Variants in CCDC181 observed in about 807,000 individuals in gnomAD.
CCDC181 encodes the protein coiled-coil domain-containing protein 181.
In CCDC181, 35 loss-of-function variants were observed where a neutral mutation model predicts 58.7. The ratio of observed to expected loss-of-function variants is 0.60; its 90% CI spans 0.46 to 0.79. The LOEUF (loss-of-function observed/expected upper bound fraction) is 0.79, where lower values mean the gene tolerates loss of function less well. CCDC181 is among the 30% of genes least tolerant of loss of function. The pLI, the probability that CCDC181 is intolerant of heterozygous loss-of-function variation, is 0.00. For missense variants in CCDC181, 517 were observed against 583.9 expected, an observed-to-expected ratio of 0.89 and a Z score of 1.18; for synonymous variants, 183 against 197.5, an observed-to-expected ratio of 0.93 and a Z score of 0.62.
chr1:169,421,808 C>G lies in CCDC181; in HGVS notation c.623G>C (p.Ser208Thr). 1.9e-6 allele frequency: 3 copies of G among 1,614,094 alleles called. No individual in the cohort carries two copies. The highest frequency in any genetic ancestry group is 2.5e-6 in the Non-Finnish European group (3 of 1,180,002). The change falls in exon 3 of 6, where the codon AGC becomes ACC. Residue 208 changes from serine (S) to threonine (T), a missense_variant. Ser to Thr is a moderately conservative substitution (Grantham distance 58, BLOSUM62 1). Transcript: ENST00000367806. ...EDVLLSLTNG[S>T]CEENKDRTIL... ...TGTCCTATCCTTGTTTTCTTCACAG[C>G]TTCCATTAGTAAGTGACAGGAGCAC...
At chr1:169,453,621 G>C (rs566870228) in intron 2 of CCDC181, among the ~76,000 whole-genome samples, 1 of 151,866 alleles carries the variant, frequency 6.6e-6, no homozygotes, top group Admixed American at 6.6e-5. Context: ...TGGAAATATT[G>C]CCCCCAAGTT....
In CCDC181 at chr1:169,419,064, T is replaced by C. The variant is rs1656343499; in HGVS notation, c.1164A>G (p.Leu388=). 6.2e-7 allele frequency: 1 copy of C among 1,613,828 alleles called. No individual in the cohort carries two copies. The highest frequency in any genetic ancestry group is 8.5e-7 in the Non-Finnish European group (1 of 1,179,948). Residue 388 remains leucine (L), a synonymous_variant, in exon 4 of 6, where the codon TTA becomes TTG. Transcript: ENST00000367806. The part of the protein sequence containing the change: ...AWLQKKREQV[L]EMRRIQRAKE... ...TTGCTCGCTGAATTCTCCTCATTTC[T>C]AAGACCTGCTCTCTTTTCTTTTGCA...
At chr1:169,417,043 A>G (rs1656246939) in intron 4 of CCDC181, among the ~76,000 whole-genome samples, 1 of 152,194 alleles carries the variant, frequency 6.6e-6, no homozygotes, top group African/African-American at 2.4e-5. Context: ...AGAAAAACCA[A>G]TTGGTTTTCC....
chr1:169,425,836 T>C (rs1047374542), intron 1 of CCDC181, among the ~76,000 whole-genome samples: 1 of 152,192 alleles, frequency 6.6e-6, no homozygotes, highest in African/African-American at 2.4e-5. Context: ...TTTGGAACTC[T>C]TCAGTGCTTT....
chr1:169,451,449 A>G (rs1657534282), intron 2 of CCDC181: 3 of 152,168 alleles, frequency 2.0e-5, no homozygotes, highest in Admixed American at 2.0e-4. Context: ...CAGAAATCCT[A>G]AAGGCTGAAC....
At chr1:169,438,484 G>A (rs551551949) in intron 2 of CCDC181, among the ~76,000 whole-genome samples, 5 of 152,252 alleles carry the variant, frequency 3.3e-5, no homozygotes, top group East Asian at 3.9e-4. Context: ...GAAGCCATAG[G>A]CAAAAGATTC....
chr1:169,444,320 C>T (rs985321001), intron 2 of CCDC181, among the ~76,000 whole-genome samples: 1 of 152,094 alleles, frequency 6.6e-6, no homozygotes, highest in African/African-American at 2.4e-5. Context: ...AGCTCTTGCA[C>T]GAGGAAGAAG....
upstream of CCDC181, among the ~76,000 whole-genome samples, chr1:169,431,378 ACT>A (rs35184871): frequency 0.53 from 81,099 of 151,764 alleles, 22,486 homozygotes; most frequent in Non-Finnish European, 0.6. Context: ...AGTGGAAATG[ACT>A]CAAATGTCCA....
At chr1:169,403,087 G>A (rs1053703422) in intron 4 of CCDC181, among the ~76,000 whole-genome samples, 1 of 152,122 alleles carries the variant, frequency 6.6e-6, no homozygotes, top group Non-Finnish European at 1.5e-5. Flanking sequence ...TAATGATGGG[G>A]TATCAATCCA....
At chr1:169,417,416 T>A (rs1254989717) in intron 4 of CCDC181, among the ~76,000 whole-genome samples, 2 of 152,014 alleles carry the variant, frequency 1.3e-5, no homozygotes, top group African/African-American at 4.8e-5. Context: ...ATAAAGAATA[T>A]AATAAAAGAC....
At chr1:169,444,522 T>C (rs1657321766) in intron 2 of CCDC181, among the ~76,000 whole-genome samples, 1 of 152,204 alleles carries the variant, frequency 6.6e-6, no homozygotes, top group Non-Finnish European at 1.5e-5. Context: ...TTTAAAAGCA[T>C]AACTGTAAAT....
chr1:169,459,888 A>G (rs575855880), intron 1 of CCDC181: 1 of 115,076 alleles, frequency 8.7e-6, no homozygotes, highest in Admixed American at 1.2e-4. Context: ...TGGTCAAGTT[A>G]CGCAGTTTGA....
intron 2 of CCDC181, among the ~76,000 whole-genome samples, chr1:169,457,292 T>A (rs780185435): frequency 6.6e-5 from 10 of 152,200 alleles, no homozygotes; most frequent in Non-Finnish European, 2.9e-5. Context: ...TCAGTTTTGC[T>A]AAATTCTCAT....
intron 4 of CCDC181, among the ~76,000 whole-genome samples, chr1:169,410,937 G>A (rs554078762): frequency 3.9e-5 from 6 of 152,088 alleles, no homozygotes; most frequent in Admixed American, 6.5e-5. Flanking sequence ...AGGAGAAAGC[G>A]GGAAACATCT....
intron 2 of CCDC181, among the ~76,000 whole-genome samples, chr1:169,434,195 G>A (rs949405979): frequency 1.3e-5 from 2 of 151,916 alleles, no homozygotes; most frequent in African/African-American, 4.8e-5. Context: ...ATGAAAAGAT[G>A]CTAACTATCA....
chr1:169,430,635 G>T (rs1378572063), upstream of CCDC181, among the ~76,000 whole-genome samples: 1 of 150,670 alleles, frequency 6.6e-6, no homozygotes, highest in Non-Finnish European at 1.5e-5. Flanking sequence ...GGTGGAGGGT[G>T]TCCATGTTCT....
intron 4 of CCDC181, among the ~76,000 whole-genome samples, chr1:169,418,269 G>C (rs1047258472): frequency 9.2e-5 from 14 of 151,974 alleles, no homozygotes; most frequent in Admixed American, 5.9e-4. Flanking sequence ...ATGAAGAATG[G>C]CTTAATAAAT....
At position 169,397,670 on chromosome 1, in the gene CCDC181, TATAAAG is replaced by T. The variant is rs767454706; in HGVS notation, c.1216-285_1216-280del. Among the ~76,000 whole-genome samples, 212 of 152,316 alleles carry T rather than the reference TATAAAG, an allele frequency of 1.4e-3. 3 individuals are homozygous for T. Among genetic ancestry groups the T allele is most frequent in the Non-Finnish European group, 2.4e-3 (161 of 68,020 alleles). On this transcript the variant is annotated intron_variant, in intron 4 of 5. Transcript: ENST00000367806. ...GGATTTTCAGTCATAAGAATTTTCT[TATAAAG>T]ATAGCAGCCATGATAATTTTAACAT...
chr1:169,421,368 T>C lies in CCDC181; in HGVS notation c.1063A>G (p.Arg355Gly), dbSNP rs1371880783. ...QLEEKREKLK[R>G]EEERRKIEEE... Reference sequence around the variant, plus strand: ...ATGCCCACTTAGGTTCTCACCTCTCTTTTCAGTTTTTCTCTCTTTTCTTCT... The same window carrying C: ...ATGCCCACTTAGGTTCTCACCTCTCCTTTCAGTTTTTCTCTCTTTTCTTCT... Residue 355 changes from arginine to glycine, a missense_variant, in exon 3 of 6, where the codon AGA (arginine) becomes GGA (glycine). Coordinates refer to ENST00000367806, the MANE Select transcript of CCDC181 (RefSeq NM_001300969.2). The C allele has an allele frequency of 6.2e-7, 1 of 1,603,104 alleles. No individual in the cohort carries two copies. The highest frequency in any genetic ancestry group is 8.5e-7 in the Non-Finnish European group (1 of 1,175,884).
Sources: allele counts gnomAD v4.1 joint callset (sites outside exome capture counted in the v4.1 genomes callset), GRCh38; gene constraint gnomAD v4.1.1; transcripts MANE v1.5; gene names NCBI Gene and HGNC (gene_info 2026-07-23, HGNC 2026-07-21).